FREM1: variants seen among roughly 807,000 people sequenced by gnomAD.
FREM1 encodes FRAS1 related extracellular matrix 1.
Under a neutral mutation model 210.1 loss-of-function variants are expected in FREM1, and 220 were observed. That is an observed-to-expected ratio of 1.05 (90% CI 0.94 to 1.17). FREM1 has a LOEUF of 1.17. Among genes scored for constraint, FREM1 ranks in the 50% most tolerant of loss-of-function variants. FREM1 has a pLI of 0.00. For missense variants in FREM1, 3,454 were observed against 2,675.5 expected (o/e 1.29, Z -6.42); for synonymous variants, 1,189 against 980.2 (o/e 1.21, Z -3.98).
At chr9:14,805,995 G>A (rs1818274039) in intron 18 of FREM1, among the ~76,000 whole-genome samples, 1 of 152,152 alleles carries the variant, frequency 6.6e-6, no homozygotes, top group Non-Finnish European at 1.5e-5. Context: ...AATGCTAAAA[G>A]GTTGTGAGAA....
At chr9:14,832,101 T>A (rs1823676766) in intron 10 of FREM1, among the ~76,000 whole-genome samples, 1 of 152,210 alleles carries the variant, frequency 6.6e-6, no homozygotes, top group East Asian at 1.9e-4. Flanking sequence ...CCTTCGACCT[T>A]GAAACTTTGA....
In FREM1 at chr9:14,865,661, C is replaced by CTGTGTGTGTGTG. The variant is rs56960871; in HGVS notation, c.235-1770_235-1759dup. Among the ~76,000 whole-genome samples the CTGTGTGTGTGTG allele has an allele frequency of 5.8e-3, 832 of 144,602 alleles. 12 individuals carry two copies. Among genetic ancestry groups the CTGTGTGTGTGTG allele is most frequent in the African/African-American group, 0.017 (643 of 38,710 alleles). The allele number at this position is 144,602 out of a possible 152,430, so 94.9% of individuals were successfully genotyped here. ...GCTCTATTAAAGAATAATGTTTAGG[C>CTGTGTGTGTGTG]TGTGTGTGTGTGTGTGTGTGTGTGT... On this transcript the variant is annotated intron_variant, in intron 2 of 36. Coordinates refer to ENST00000380880, the MANE Select transcript of FREM1 (RefSeq NM_001379081.2).
chr9:14,759,533 T>TAATAATAATAATAATAATAATAA (rs1845076996), intron 28 of FREM1, among the ~76,000 whole-genome samples: 2 of 150,338 alleles, frequency 1.3e-5, no homozygotes, highest in South Asian at 4.2e-4. Context: ...ATAATAATAA[T>TAATAATAATAATAATAATAATAA]ATCTCTTGTG....
At chr9:14,876,069 G>A (rs1364365855) in intron 1 of FREM1, among the ~76,000 whole-genome samples, 1 of 152,144 alleles carries the variant, frequency 6.6e-6, no homozygotes, top group Non-Finnish European at 1.5e-5. Flanking sequence ...GCCGTGTGAG[G>A]TGTCAGTCTG....
chr9:14,865,698 T>TGTGTGTGTGTGTGTGTGTGTGC (rs759644257), intron 2 of FREM1, among the ~76,000 whole-genome samples: 8 of 150,636 alleles, frequency 5.3e-5, no homozygotes, highest in African/African-American at 1.9e-4. Context: ...TGTGTGTGTG[T>TGTGTGTGTGTGTGTGTGTGTGC]GCACATGCAC....
Position 14,770,776 on chromosome 9 carries a change from T to C in FREM1, c.4888A>G (p.Ile1630Val). 3.7e-6 allele frequency: 6 copies of C among 1,613,078 alleles called. No individual in the cohort carries two copies. The highest frequency in any genetic ancestry group is 1.1e-5 in the South Asian group (1 of 90,960). ...VDQLDKTAPR[I>V]TLLHSPSQVG... Reference sequence around the variant, plus strand: ...TGAGAAGGGGAATGCAAGAGTGTGATACGAGGAGCTGTTTTGTCCAATTGG... The same window carrying C: ...TGAGAAGGGGAATGCAAGAGTGTGACACGAGGAGCTGTTTTGTCCAATTGG... The change falls in exon 26 of 37, where the codon ATC (isoleucine) becomes GTC (valine). Residue 1630 changes from isoleucine to valine, a missense_variant. Transcript: ENST00000380880.
At chr9:14,772,386 A>C (rs7852390) in intron 25 of FREM1, among the ~76,000 whole-genome samples, 91,603 of 151,928 alleles carry the variant, frequency 0.6, 28,734 homozygotes, top group Non-Finnish European at 0.69. Context: ...GAATATGATT[A>C]GTTATCAAGA....
At chr9:14,759,498 G>A (rs943813063) in intron 28 of FREM1, among the ~76,000 whole-genome samples, 2 of 12,672 alleles carry the variant, frequency 1.6e-4, no homozygotes, top group Admixed American at 8.9e-4. Flanking sequence ...CGACAAGAGC[G>A]AGACTTTGTC....
chr9:14,809,549 C>T (rs535189625), intron 16 of FREM1, among the ~76,000 whole-genome samples: 1 of 152,218 alleles, frequency 6.6e-6, no homozygotes, highest in South Asian at 2.1e-4. Flanking sequence ...AAAGGAAAAA[C>T]CGAATTGAAG....
In FREM1 at chr9:14,868,902, T is replaced by G; in HGVS notation, c.76A>C (p.Ile26Leu). The G allele has an allele frequency of 6.2e-7, 1 of 1,606,510 alleles. No individual in the cohort carries two copies. Among genetic ancestry groups the G allele is most frequent in the South Asian group, 1.1e-5 (1 of 89,420 alleles). The change falls in exon 2 of 37, where the codon ATC becomes CTC. Residue 26 changes from isoleucine (I) to leucine (L), a missense_variant. Ile to Leu is a conservative substitution (Grantham distance 5). Transcript: ENST00000380880. ...LLLAWASPTF[I>L]SINRGVRVMK... Reference sequence around the variant, plus strand: ...ACCCTCACCCCGCGGTTGATGCTGATGAAGGTGGGGCTGGCCCAGGCCAGG... The same window carrying G: ...ACCCTCACCCCGCGGTTGATGCTGAGGAAGGTGGGGCTGGCCCAGGCCAGG...
At chr9:14,816,544 G>A (rs554115990) in intron 15 of FREM1, among the ~76,000 whole-genome samples, 4 of 152,160 alleles carry the variant, frequency 2.6e-5, no homozygotes, top group Non-Finnish European at 5.9e-5. Flanking sequence ...GATCATAAAA[G>A]GCTCATAGCT....
At position 14,859,356 on chromosome 9, in the gene FREM1, G is replaced by T. The variant is rs748803663; in HGVS notation, c.458C>A (p.Ala153Glu). The T allele has an allele frequency of 6.2e-7, 1 of 1,613,806 alleles. No individual in the cohort carries two copies. The highest frequency in any genetic ancestry group is 1.3e-5 in the African/African-American group (1 of 74,982). Residue 153 changes from alanine (A) to glutamate (E), a missense_variant, in exon 4 of 37, where the codon GCG becomes GAG. Ala to Glu is a moderately radical substitution (Grantham distance 107, BLOSUM62 -1). Transcript: ENST00000380880. ...GAATCTGAGCAGATTTTTATCAATC[G>T]CTTGGGACAAGCCATTGAATTCAGG... is the stretch of plus-strand genomic sequence containing the variant. The part of the protein sequence containing the change: ...EVPEFNGLSQ[A>E]IDKNLLRFDY...
At chr9:14,739,962 A>C (rs879365359) in intron 36 of FREM1, among the ~76,000 whole-genome samples, 187 bp downstream of exon 36, 2 of 152,158 alleles carry the variant, frequency 1.3e-5, no homozygotes, top group Non-Finnish European at 2.9e-5. Flanking sequence ...ATGTCTAAAA[A>C]TGAAAGTAGT....
intron 10 of FREM1, among the ~76,000 whole-genome samples, chr9:14,833,486 A>G (rs1588248816): frequency 6.6e-6 from 1 of 152,206 alleles, no homozygotes; most frequent in East Asian, 1.9e-4. Flanking sequence ...TCACTGTCTC[A>G]GTCACAATTT....
chr9:14,758,862 T>C (rs1198560853), intron 28 of FREM1, among the ~76,000 whole-genome samples: 1 of 152,224 alleles, frequency 6.6e-6, no homozygotes, highest in African/African-American at 2.4e-5. Context: ...AGTTGACTGA[T>C]CTAGAAGTGG....
At chr9:14,740,514 T>C (rs1448538602) in intron 35 of FREM1, among the ~76,000 whole-genome samples, 1 of 152,174 alleles carries the variant, frequency 6.6e-6, no homozygotes, top group Non-Finnish European at 1.5e-5. Context: ...AACATCTTTT[T>C]GGAAAATCAG....
intron 3 of FREM1, among the ~76,000 whole-genome samples, chr9:14,860,584 C>CTGTGT (rs1829694720): frequency 2.2e-4 from 25 of 115,620 alleles, no homozygotes; most frequent in African/African-American, 1.0e-3. Flanking sequence ...TATATATACA[C>CTGTGT]ATATATATAC....
chr9:14,856,266 C>T (rs932909215), intron 5 of FREM1, among the ~76,000 whole-genome samples: 2 of 152,162 alleles, frequency 1.3e-5, no homozygotes, highest in Non-Finnish European at 2.9e-5. Context: ...GACGTTTGAA[C>T]CCAGGCAATC....
chr9:14,887,763 G>A (rs1274289997), intron 1 of FREM1, among the ~76,000 whole-genome samples: 1 of 151,574 alleles, frequency 6.6e-6, no homozygotes, highest in Non-Finnish European at 1.5e-5. Context: ...GCATCTTTTC[G>A]TTTATTTTTC....
Sources: allele counts gnomAD v4.1 joint callset (sites outside exome capture counted in the v4.1 genomes callset), GRCh38; gene constraint gnomAD v4.1.1; transcripts MANE v1.5; gene names NCBI Gene and HGNC (gene_info 2026-07-23, HGNC 2026-07-21).